PAX5: variants seen among roughly 807,000 people sequenced by gnomAD.
PAX5 encodes paired box protein Pax-5.
In PAX5, 9 loss-of-function variants were observed where a neutral mutation model predicts 43.7. That is an observed-to-expected ratio of 0.21 (90% confidence interval 0.12 to 0.36). The LOEUF (loss-of-function observed/expected upper bound fraction) is 0.36. Among genes scored for constraint, PAX5 ranks in the 10% least tolerant of loss-of-function variants. The pLI is 1.00. For synonymous variants in PAX5, 228 were observed against 214.3 expected (o/e 1.06, Z -0.56); for missense variants, 383 against 532.7 (o/e 0.72, Z 2.77).
At chr9:36,899,813 G>A (rs1828208405) in intron 7 of PAX5, among the ~76,000 whole-genome samples, 1 of 152,152 alleles carries the variant, frequency 6.6e-6, no homozygotes, top group Admixed American at 6.5e-5. Context: ...TCCTCACTAT[G>A]GCTTTCCTGG....
chr9:36,997,052 G>A (rs949582095), intron 5 of PAX5, among the ~76,000 whole-genome samples: 10 of 152,180 alleles, frequency 6.6e-5, no homozygotes, highest in African/African-American at 2.4e-4. Context: ...GACATGGGGA[G>A]AGACACAAAA....
In PAX5 at chr9:36,840,364, A is replaced by G; in HGVS notation, c.*196T>C. ...CTCATAGATTGGCTTTTAGAAATAG[A>G]CAAGCATCCAGAAGTCCAACGGCCC... On this transcript the variant is annotated 3_prime_UTR_variant, in exon 10 of 10. Coordinates refer to ENST00000358127, the MANE Select transcript of PAX5 (RefSeq NM_016734.3). 1 of 633,052 alleles carries G rather than the reference A, an allele frequency of 1.6e-6. No individual in the cohort carries two copies. The highest frequency in any genetic ancestry group is 2.8e-6 in the Non-Finnish European group (1 of 357,068). The allele number at this position is 633,052 out of a possible 1,614,324, so 39.2% of individuals were successfully genotyped here. A position where few individuals can be genotyped will look rare whatever the true frequency, so the allele number is the denominator to read the frequency against.
chr9:36,975,534 C>T (rs1241156542), intron 5 of PAX5, among the ~76,000 whole-genome samples: 5 of 152,074 alleles, frequency 3.3e-5, no homozygotes, highest in South Asian at 2.1e-4. Flanking sequence ...TACAGGCGCC[C>T]GCCACTATTC....
At chr9:36,871,239 G>A (rs994332449) in intron 8 of PAX5, among the ~76,000 whole-genome samples, 1 of 152,212 alleles carries the variant, frequency 6.6e-6, no homozygotes, top group Non-Finnish European at 1.5e-5. Flanking sequence ...GTGCATACCC[G>A]GGCTGCAGTC....
At chr9:36,844,775 C>T (rs958165402) in intron 9 of PAX5, among the ~76,000 whole-genome samples, 3 of 152,002 alleles carry the variant, frequency 2.0e-5, no homozygotes, top group African/African-American at 7.3e-5. Flanking sequence ...CTGCCCTCCC[C>T]TCCCTATCTC....
At chr9:36,858,934 C>T (rs192760200) in intron 8 of PAX5, among the ~76,000 whole-genome samples, 3 of 152,290 alleles carry the variant, frequency 2.0e-5, no homozygotes, top group Non-Finnish European at 4.4e-5. Context: ...GCTGGGAAGT[C>T]GCAGTGCTAG....
At chr9:36,969,683 C>T (rs935600808) in intron 5 of PAX5, among the ~76,000 whole-genome samples, 40 of 152,320 alleles carry the variant, frequency 2.6e-4, no homozygotes, top group African/African-American at 9.1e-4. Flanking sequence ...GCCAGCTGAG[C>T]CTGTAAGGAT....
chr9:37,012,534 CA>C (rs1378876115), intron 3 of PAX5, among the ~76,000 whole-genome samples: 78 of 152,324 alleles, frequency 5.1e-4, no homozygotes, highest in African/African-American at 1.9e-3. Flanking sequence ...GCCCTACAGA[CA>C]GCAGTTAGAA....
At chr9:36,990,976 GGTTCATGCCT>G (rs1276370251) in intron 5 of PAX5, among the ~76,000 whole-genome samples, 1 of 152,104 alleles carries the variant, frequency 6.6e-6, no homozygotes, top group African/African-American at 2.4e-5. Flanking sequence ...CAGGCATGGC[GGTTCATGCCT>G]GTAGCCCCAG....
chr9:36,925,984 A>T (rs989852259), intron 6 of PAX5, among the ~76,000 whole-genome samples: 2 of 152,104 alleles, frequency 1.3e-5, no homozygotes, highest in South Asian at 2.1e-4. Flanking sequence ...TCAAAATCTC[A>T]CACTCACTGA....
chr9:36,866,310 C>T (rs1268470795), intron 8 of PAX5, among the ~76,000 whole-genome samples: 1 of 152,168 alleles, frequency 6.6e-6, no homozygotes, highest in African/African-American at 2.4e-5. Context: ...GAAACTGAAC[C>T]CAGGAACAGA....
intron 8 of PAX5, among the ~76,000 whole-genome samples, chr9:36,854,619 G>A (rs1364444880): frequency 6.6e-6 from 1 of 152,150 alleles, no homozygotes; most frequent in Non-Finnish European, 1.5e-5. Flanking sequence ...CCCACGCCAA[G>A]CCTCTCCCCC....
At chr9:36,931,790 A>C (rs1182538525) in intron 6 of PAX5, among the ~76,000 whole-genome samples, 1 of 150,488 alleles carries the variant, frequency 6.6e-6, no homozygotes, top group Non-Finnish European at 1.5e-5. Flanking sequence ...CGGAGGCTGC[A>C]CACTGAGCCG....
intron 7 of PAX5, among the ~76,000 whole-genome samples, chr9:36,920,618 G>A (rs1308952965): frequency 6.6e-6 from 1 of 152,200 alleles, no homozygotes; most frequent in Admixed American, 6.5e-5. Flanking sequence ...GACCAGAAGT[G>A]TTTCAGATTT....
intron 8 of PAX5, among the ~76,000 whole-genome samples, chr9:36,875,133 G>A (rs1825805180): frequency 6.6e-6 from 1 of 152,148 alleles, no homozygotes; most frequent in Admixed American, 6.5e-5. Context: ...TCCCCATGTG[G>A]CGGCCACTCT....
At chr9:36,960,253 A>G (rs752685032) in intron 6 of PAX5, among the ~76,000 whole-genome samples, 2 of 152,174 alleles carry the variant, frequency 1.3e-5, no homozygotes, top group Non-Finnish European at 2.9e-5. Flanking sequence ...TAAGAAAGTA[A>G]TAACTGTAGT....
intron 5 of PAX5, among the ~76,000 whole-genome samples, chr9:37,000,801 T>A (rs1447640119): frequency 6.6e-6 from 1 of 152,152 alleles, no homozygotes; most frequent in Non-Finnish European, 1.5e-5. Flanking sequence ...TGAGGTGAAA[T>A]CACCTCTGCA....
At chr9:37,022,093 C>T (rs1244219558) in intron 1 of PAX5, among the ~76,000 whole-genome samples, 2 of 152,176 alleles carry the variant, frequency 1.3e-5, no homozygotes, top group African/African-American at 4.8e-5. Flanking sequence ...TAATGTATTT[C>T]CTAAAAACTG....
intron 5 of PAX5, among the ~76,000 whole-genome samples, chr9:36,981,196 C>T (rs78190217): frequency 4.2e-5 from 5 of 118,964 alleles, no homozygotes; most frequent in East Asian, 4.6e-4. Context: ...CCCCCCCCCC[C>T]TCAGCCCTGC....
Sources: allele counts gnomAD v4.1 joint callset (sites outside exome capture counted in the v4.1 genomes callset), GRCh38; gene constraint gnomAD v4.1.1; transcripts MANE v1.5; gene names NCBI Gene and HGNC (gene_info 2026-07-23, HGNC 2026-07-21).